Variants in FER observed in about 807,000 individuals in gnomAD.
FER encodes the protein FER tyrosine kinase.
Under a neutral mutation model 111.0 loss-of-function variants are expected in FER, and 63 were observed. That is an observed-to-expected ratio of 0.57 (90% CI 0.46 to 0.70). The LOEUF (loss-of-function observed/expected upper bound fraction) is 0.70, where lower values mean the gene tolerates loss of function less well. FER is among the 30% of genes least tolerant of loss of function. FER has a pLI of 0.00. For synonymous variants in FER, 327 were observed against 313.9 expected (o/e 1.04, Z -0.44); for missense variants, 914 against 954.0 (o/e 0.96, Z 0.55).
chr5:109,119,374 C>G (rs1159633208), intron 17 of FER, among the ~76,000 whole-genome samples: 2 of 152,130 alleles, frequency 1.3e-5, no homozygotes, highest in Non-Finnish European at 2.9e-5. Context: ...GTCTGAGAGA[C>G]AGTTTGTTGT....
intron 13 of FER, among the ~76,000 whole-genome samples, chr5:108,992,868 G>C (rs1171206510): frequency 6.6e-6 from 1 of 151,052 alleles, no homozygotes; most frequent in South Asian, 2.1e-4. Flanking sequence ...ACGGGGTCGC[G>C]GCCAGGCAGA....
intron 17 of FER, among the ~76,000 whole-genome samples, chr5:109,118,672 C>T (rs1750580566): frequency 6.6e-6 from 1 of 152,096 alleles, no homozygotes; most frequent in Non-Finnish European, 1.5e-5. Flanking sequence ...TAATTATTGC[C>T]TCAATTTCAG....
chr5:108,763,106 A>C (rs890240018), intron 1 of FER, among the ~76,000 whole-genome samples: 2 of 152,210 alleles, frequency 1.3e-5, no homozygotes, highest in African/African-American at 4.8e-5. Flanking sequence ...CATGGCACAC[A>C]GATAGCATAG....
chr5:109,037,751 G>A (rs558541134), intron 14 of FER, among the ~76,000 whole-genome samples: 2 of 152,088 alleles, frequency 1.3e-5, no homozygotes, highest in East Asian at 3.9e-4. Flanking sequence ...TTTTACTTCA[G>A]TGTGCAGTAA....
chr5:108,784,566 C>T (rs1754464333), intron 2 of FER: 2 of 152,316 alleles, frequency 1.3e-5, no homozygotes, highest in African/African-American at 4.8e-5. Flanking sequence ...GACGCACACA[C>T]AGAAATATAA....
At chr5:109,070,329 T>C (rs894061560) in intron 16 of FER, among the ~76,000 whole-genome samples, 2 of 151,990 alleles carry the variant, frequency 1.3e-5, no homozygotes, top group African/African-American at 2.4e-5. Flanking sequence ...GTATAATATG[T>C]TGGGGAATGA....
At chr5:108,884,433 C>T (rs1215678339) in intron 9 of FER, among the ~76,000 whole-genome samples, 3 of 151,754 alleles carry the variant, frequency 2.0e-5, no homozygotes, top group African/African-American at 7.3e-5. Context: ...GTTCCAAACC[C>T]ACCCAAATTT....
intron 17 of FER, among the ~76,000 whole-genome samples, chr5:109,141,723 T>C (rs1753542892): frequency 6.6e-6 from 1 of 152,192 alleles, no homozygotes; most frequent in African/African-American, 2.4e-5. Context: ...TCATCACTTC[T>C]GCTCAAATTT....
intron 13 of FER, chr5:109,014,887 C>T (rs1410749282): frequency 6.6e-6 from 1 of 152,212 alleles, no homozygotes; most frequent in Non-Finnish European, 1.5e-5. Flanking sequence ...AGGGGCCATG[C>T]TAATCTTCCC....
At chr5:109,062,015 T>C (rs566769320) in intron 16 of FER, among the ~76,000 whole-genome samples, 44 of 151,292 alleles carry the variant, frequency 2.9e-4, no homozygotes, top group Non-Finnish European at 5.3e-4. Context: ...TCTTGAATTA[T>C]GAATACTTTG....
intron 5 of FER, among the ~76,000 whole-genome samples, chr5:108,859,737 A>G (rs1413208330): frequency 2.0e-5 from 3 of 152,192 alleles, no homozygotes; most frequent in African/African-American, 7.2e-5. Flanking sequence ...CAAGGAAATT[A>G]TATTACACAG....
intron 16 of FER, among the ~76,000 whole-genome samples, chr5:109,056,167 C>T (rs537502932): frequency 5.8e-4 from 88 of 152,172 alleles, no homozygotes; most frequent in Non-Finnish European, 1.1e-3. Context: ...TATGAAGGTT[C>T]CTAAAGGAAT....
chr5:109,006,024 C>T (rs766025046), intron 13 of FER, among the ~76,000 whole-genome samples: 10 of 152,090 alleles, frequency 6.6e-5, no homozygotes, highest in Non-Finnish European at 1.0e-4. Context: ...CTCAGATATA[C>T]TATAGGAACA....
At chr5:108,810,476 G>A (rs1054626571) in intron 3 of FER, among the ~76,000 whole-genome samples, 1 of 152,244 alleles carries the variant, frequency 6.6e-6, no homozygotes, top group Admixed American at 6.5e-5. Flanking sequence ...AGAAGCACCA[G>A]CACTGAGGGA....
Position 109,100,390 on chromosome 5 carries a change from C to T in FER, c.1925-6C>T. ...TGTCTCATTGTTCATCTATCAATTCCTCTAGGAGGTGATTTCCTCACCTTT... is the reference window on the plus strand; with the variant it reads ...TGTCTCATTGTTCATCTATCAATTCTTCTAGGAGGTGATTTCCTCACCTTT... On this transcript the variant is annotated splice_polypyrimidine_tract_variant and splice_region_variant and intron_variant, in intron 16 of 19. Transcript: ENST00000281092. The T allele has an allele frequency of 1.2e-6, 2 of 1,609,448 alleles. No individual in the cohort carries two copies. Among genetic ancestry groups the T allele is most frequent in the Admixed American group, 1.7e-5 (1 of 59,634 alleles).
At chr5:108,974,503 AAG>A (rs771023236) in intron 13 of FER, among the ~76,000 whole-genome samples, 10 of 152,210 alleles carry the variant, frequency 6.6e-5, no homozygotes, top group Non-Finnish European at 1.5e-4. Flanking sequence ...TCATCAGGGA[AAG>A]AGAGGAAAAG....
At chr5:109,126,365 T>C (rs1751725272) in intron 17 of FER, among the ~76,000 whole-genome samples, 1 of 152,190 alleles carries the variant, frequency 6.6e-6, no homozygotes, top group Non-Finnish European at 1.5e-5. Flanking sequence ...AGCAATACTC[T>C]TTTGCTTTTA....
At chr5:109,099,468 A>C (rs1385522997) in intron 16 of FER, among the ~76,000 whole-genome samples, 1 of 151,642 alleles carries the variant, frequency 6.6e-6, no homozygotes, top group Admixed American at 6.6e-5. Flanking sequence ...CTGTAAATTT[A>C]ATGAAATCTA....
intron 5 of FER, among the ~76,000 whole-genome samples, chr5:108,864,199 T>C (rs958879119): frequency 6.6e-6 from 1 of 152,340 alleles, no homozygotes; most frequent in Admixed American, 6.5e-5. Context: ...TGTTGCTCCA[T>C]AGAAGTCAGT....
Sources: gnomAD v4.1 joint callset for allele counts (sites outside exome capture counted in the v4.1 genomes callset) on GRCh38, gnomAD v4.1.1 for gene constraint, MANE v1.5 for transcripts, NCBI Gene and HGNC (gene_info 2026-07-23, HGNC 2026-07-21) for gene names.